Variants in HDAC9 observed in about 807,000 individuals in gnomAD.
The protein encoded by HDAC9 is MEF-2 interacting transcription repressor (MITR) protein.
A neutral mutation model predicts 139.4 loss-of-function variants in HDAC9; 41 were observed. That is an observed-to-expected ratio of 0.29 (90% CI 0.23 to 0.38). The LOEUF is 0.38. Ranked by LOEUF, HDAC9 falls within the 10% of genes least tolerant of loss-of-function variation. The probability of loss-of-function intolerance (pLI) is 1.00; values close to 1 mark genes in which losing one functional copy is unlikely to be tolerated. For missense variants in HDAC9, 1,147 were observed against 1,297.0 expected, an observed-to-expected ratio of 0.88 and a Z score of 1.78; for synonymous variants, 517 against 476.2, an observed-to-expected ratio of 1.09 and a Z score of -1.12.
At chr7:18,135,229 TTG>T (rs1469338164) in intron 1 of HDAC9, among the ~76,000 whole-genome samples, 1 of 150,818 alleles carries the variant, frequency 6.6e-6, no homozygotes, top group Non-Finnish European at 1.5e-5. Context: ...AGGAAGATAA[TTG>T]TGTTTGTTTG....
chr7:18,727,444 A>ATTTTTTTTT, intron 12 of HDAC9, 136 bp from the exon 13 acceptor site: 2 of 630,494 alleles, frequency 3.2e-6, no homozygotes, highest in Admixed American at 4.0e-5. Context: ...CCCTTTCTCT[A>ATTTTTTTTT]TTTTTTTTTT....
At chr7:18,961,631 G>A (rs567270355) in intron 24 of HDAC9, among the ~76,000 whole-genome samples, 42 of 152,292 alleles carry the variant, frequency 2.8e-4, no homozygotes, top group African/African-American at 9.9e-4. Context: ...CCTGTAAGAT[G>A]ATAGCAAATA....
chr7:18,593,016 T>A (rs916607276), intron 5 of HDAC9, among the ~76,000 whole-genome samples: 2 of 152,120 alleles, frequency 1.3e-5, no homozygotes, highest in Non-Finnish European at 2.9e-5. Flanking sequence ...AGTATTTACC[T>A]TGTTTTTATG....
chr7:18,301,162 A>G (rs1207985285), intron 1 of HDAC9, among the ~76,000 whole-genome samples: 1 of 152,160 alleles, frequency 6.6e-6, no homozygotes, highest in Non-Finnish European at 1.5e-5. Flanking sequence ...TTTGTGTGAA[A>G]TTATTTAAAA....
intron 2 of HDAC9, among the ~76,000 whole-genome samples, chr7:18,513,816 A>G (rs1370879129): frequency 1.3e-5 from 2 of 152,212 alleles, no homozygotes; most frequent in African/African-American, 2.4e-5. Context: ...ACCAGATCAT[A>G]TCGCAAGACT....
chr7:18,481,152 C>A (rs1450158128), intron 1 of HDAC9, among the ~76,000 whole-genome samples: 1 of 152,104 alleles, frequency 6.6e-6, no homozygotes, highest in African/African-American at 2.4e-5. Context: ...GGCAATCCAA[C>A]TTTTATCCCC....
intron 17 of HDAC9, among the ~76,000 whole-genome samples, chr7:18,806,028 T>C (rs1793676133): frequency 6.6e-6 from 1 of 152,148 alleles, no homozygotes; most frequent in African/African-American, 2.4e-5. Flanking sequence ...TCAAACAAAA[T>C]GTGACATTAA....
intron 1 of HDAC9, among the ~76,000 whole-genome samples, chr7:18,350,421 A>G (rs868585676): frequency 2.0e-5 from 3 of 152,186 alleles, no homozygotes; most frequent in African/African-American, 7.2e-5. Flanking sequence ...CTTTATCACC[A>G]GCTGGTCAAT....
chr7:18,187,561 A>G (rs1259208081), intron 2 of HDAC9, among the ~76,000 whole-genome samples: 1 of 152,118 alleles, frequency 6.6e-6, no homozygotes, highest in Non-Finnish European at 1.5e-5. Context: ...TCCCCTCCAC[A>G]TCAAATCTGT....
intron 21 of HDAC9, among the ~76,000 whole-genome samples, chr7:18,867,408 G>A (rs901760726): frequency 2.0e-5 from 3 of 152,036 alleles, no homozygotes; most frequent in South Asian, 2.1e-4. Context: ...TAAGTTATTC[G>A]GAAAGGGAGC....
At position 18,181,804 on chromosome 7, in the gene HDAC9, C is replaced by A. The variant is rs185870311; in HGVS notation, c.25+19455C>A. Among the ~76,000 whole-genome samples, 183 of 152,184 alleles carry A rather than the reference C, an allele frequency of 1.2e-3. 1 individual carries two copies. Among genetic ancestry groups the A allele is most frequent in the African/African-American group, 4.0e-3 (164 of 41,508 alleles). ...ATTCTTACATGCTGAGGGCATTGAACAGAGAGAACCTGTGGTCTGAAGAAT... is the reference window on the plus strand; with the variant it reads ...ATTCTTACATGCTGAGGGCATTGAAAAGAGAGAACCTGTGGTCTGAAGAAT... On this transcript the variant is annotated intron_variant, in intron 2 of 12. Coordinates refer to the HDAC9 transcript ENST00000417496.
chr7:18,099,824 A>C (rs1782732129), intron 1 of HDAC9, among the ~76,000 whole-genome samples: 1 of 152,224 alleles, frequency 6.6e-6, no homozygotes, highest in African/African-American at 2.4e-5. Flanking sequence ...TATGTTATAA[A>C]GCCCTTACTA....
At chr7:18,411,171 A>G (rs1788508922) in intron 1 of HDAC9, among the ~76,000 whole-genome samples, 1 of 152,176 alleles carries the variant, frequency 6.6e-6, no homozygotes, top group African/African-American at 2.4e-5. Context: ...CCTTAGGGAA[A>G]GCTGCAAGTC....
intron 6 of HDAC9, among the ~76,000 whole-genome samples, chr7:18,603,974 A>T (rs1448091537): frequency 2.0e-5 from 3 of 152,084 alleles, no homozygotes; most frequent in Non-Finnish European, 4.4e-5. Flanking sequence ...ATGACAGGAC[A>T]TCTGATCTAA....
chr7:18,251,580 C>T (rs1794920114), intron 2 of HDAC9, among the ~76,000 whole-genome samples: 1 of 152,006 alleles, frequency 6.6e-6, no homozygotes, highest in Admixed American at 6.6e-5. Flanking sequence ...AGATGGAGGG[C>T]AGGGAGATTC....
At chr7:18,476,647 A>G (rs1018893952) in intron 1 of HDAC9, among the ~76,000 whole-genome samples, 6 of 152,252 alleles carry the variant, frequency 3.9e-5, no homozygotes, top group Middle Eastern at 3.4e-3. Flanking sequence ...AAAAAAGCCA[A>G]ATGATTATCA....
intron 16 of HDAC9, among the ~76,000 whole-genome samples, chr7:18,783,350 C>T (rs146811332): frequency 6.6e-6 from 1 of 152,018 alleles, no homozygotes; most frequent in Non-Finnish European, 1.5e-5. Context: ...TGGTAAGGGG[C>T]AAGGTTTTGT....
intron 22 of HDAC9, among the ~76,000 whole-genome samples, chr7:18,912,237 CA>C (rs1457620581): frequency 1.6e-4 from 25 of 152,106 alleles, no homozygotes; most frequent in African/African-American, 6.0e-4. Flanking sequence ...TAATGACCAG[CA>C]CTATAGATGA....
chr7:18,562,180 A>G (rs1820827130), intron 2 of HDAC9, among the ~76,000 whole-genome samples: 1 of 152,022 alleles, frequency 6.6e-6, no homozygotes, highest in Admixed American at 6.6e-5. Flanking sequence ...TAATTGGGTC[A>G]TTTTTATTTT....
Sources: gnomAD v4.1 joint callset for allele counts (sites outside exome capture counted in the v4.1 genomes callset) on GRCh38, gnomAD v4.1.1 for gene constraint, MANE v1.5 for transcripts, NCBI Gene and HGNC (gene_info 2026-07-23, HGNC 2026-07-21) for gene names.